The following TCF7L2 variants were observed in gnomAD, a reference collection of about 807,000 sequenced individuals.
The protein encoded by TCF7L2 is transcription factor 7 like 2.
TCF7L2 carries 23 observed loss-of-function variants against 77.9 expected under a neutral mutation model. That is an observed-to-expected ratio of 0.30 (90% CI 0.21 to 0.42). The LOEUF (loss-of-function observed/expected upper bound fraction) is 0.42, where lower values mean the gene tolerates loss of function less well. Ranked by LOEUF, TCF7L2 falls within the 10% of genes least tolerant of loss-of-function variation. The pLI, the probability that TCF7L2 is intolerant of heterozygous loss-of-function variation, is 1.00. For missense variants in TCF7L2, 654 were observed against 793.1 expected, an observed-to-expected ratio of 0.82 and a Z score of 2.11; for synonymous variants, 413 against 340.2, an observed-to-expected ratio of 1.21 and a Z score of -2.36.
At chr10:112,989,422 A>G (rs974350223) in intron 4 of TCF7L2, among the ~76,000 whole-genome samples, 7 of 151,988 alleles carry the variant, frequency 4.6e-5, no homozygotes, top group African/African-American at 9.7e-5. Flanking sequence ...GGTTTCTTCT[A>G]TGTCCTAGAA....
intron 13 of TCF7L2, among the ~76,000 whole-genome samples, chr10:113,162,788 G>A (rs2073377319): frequency 6.6e-6 from 1 of 152,154 alleles, no homozygotes; most frequent in South Asian, 2.1e-4. Flanking sequence ...TTTGAAGGAT[G>A]CTATTCCAAA....
intron 4 of TCF7L2, among the ~76,000 whole-genome samples, chr10:113,002,042 G>A (rs1363261047): frequency 6.6e-6 from 1 of 152,104 alleles, no homozygotes; most frequent in East Asian, 1.9e-4. Context: ...CCTCCACCAA[G>A]GATGATGATG....
At chr10:113,038,292 C>A (rs1038942950) in intron 4 of TCF7L2, among the ~76,000 whole-genome samples, 1 of 152,132 alleles carries the variant, frequency 6.6e-6, no homozygotes, top group Non-Finnish European at 1.5e-5. Context: ...GGAGTCGATG[C>A]AGGGTCTTGT....
At chr10:113,061,671 A>G (rs532023873) in intron 5 of TCF7L2, among the ~76,000 whole-genome samples, 1 of 152,348 alleles carries the variant, frequency 6.6e-6, no homozygotes, top group African/African-American at 2.4e-5. Context: ...ATGAAAGGGC[A>G]GTGAATTAAG....
chr10:113,022,984 CTGAGCTGGCT>C lies in TCF7L2; in HGVS notation c.451-17039_451-17030del, dbSNP rs2048492349. ...ATGGAACTTGGATTTGAACCCAGGTCTGAGCTGGCTTTGAGTCTTCAGAATAGTAGGTCCA... is the reference window on the plus strand; with the variant it reads ...ATGGAACTTGGATTTGAACCCAGGTCTTGAGTCTTCAGAATAGTAGGTCCA... On this transcript the variant is annotated intron_variant, in intron 4 of 13. Transcript: ENST00000627217. 2.6e-5 allele frequency among the ~76,000 whole-genome samples: 4 copies of C among 152,286 alleles called. No individual in the cohort carries two copies. The South Asian group carries it at 8.3e-4, about 32-fold the overall frequency.
At chr10:113,012,504 AAGAC>A (rs1245492572) in intron 4 of TCF7L2, among the ~76,000 whole-genome samples, 3 of 152,168 alleles carry the variant, frequency 2.0e-5, no homozygotes, top group Admixed American at 6.5e-5. Context: ...CAAAGGAAGA[AAGAC>A]AGAATTCTAA....
chr10:113,073,317 T>A (rs2058295551), intron 5 of TCF7L2, among the ~76,000 whole-genome samples: 1 of 151,496 alleles, frequency 6.6e-6, no homozygotes, highest in South Asian at 2.1e-4. Context: ...GAGAAAGAAA[T>A]GTTGAATTAT....
chr10:113,131,633 C>T (rs1182111243), intron 5 of TCF7L2, among the ~76,000 whole-genome samples: 1 of 152,284 alleles, frequency 6.6e-6, no homozygotes, highest in African/African-American at 2.4e-5. Context: ...TTCCCGACTC[C>T]AGTGATACAG....
In TCF7L2 at chr10:113,165,882, A is replaced by C. The variant is rs1216878382; in HGVS notation, c.1719A>C (p.Ala573=). 15 of 1,602,514 alleles carry C rather than the reference A, an allele frequency of 9.4e-6. No individual in the cohort carries two copies. Among genetic ancestry groups the C allele is most frequent in the Non-Finnish European group, 1.3e-5 (15 of 1,173,982 alleles). The stretch of plus-strand genomic sequence containing the variant: ...CTGCCGCCCCCTCCTCATCAATTGC[A>C]CAGCCGTCGACTTCTTCCTTACATT... The change falls in exon 14 of 14, where the codon GCA becomes GCC. Residue 573 remains alanine (A), a synonymous_variant. Transcript: ENST00000627217.
Position 113,166,214 on chromosome 10 carries a change from G to T in TCF7L2, c.*242G>T. 2.7e-6 allele frequency: 1 copy of T among 370,580 alleles called. No individual in the cohort carries two copies. The allele number at this position is 370,580 out of a possible 1,614,324, so 23.0% of individuals were successfully genotyped here. A position where few individuals can be genotyped will look rare whatever the true frequency, so the allele number is the denominator to read the frequency against. ...GATTCTACCAAAATTTTTATCAACA[G>T]CTGTTTAAAGTCTTTGTAGCGTTTA... On this transcript the variant is annotated 3_prime_UTR_variant, in exon 14 of 14. Transcript: ENST00000627217.
chr10:113,045,044 G>C (rs1590935544), intron 5 of TCF7L2, among the ~76,000 whole-genome samples: 2 of 152,142 alleles, frequency 1.3e-5, no homozygotes, highest in Admixed American at 1.3e-4. Flanking sequence ...GTCAAAGGTA[G>C]GTAGATGGAG....
At chr10:112,961,887 G>T (rs1045046696) in intron 3 of TCF7L2, among the ~76,000 whole-genome samples, 5 of 148,770 alleles carry the variant, frequency 3.4e-5, no homozygotes, top group Admixed American at 6.7e-5. Flanking sequence ...GCTCGCGTGT[G>T]CGTGTATGTG....
At chr10:113,051,428 A>G (rs7904443) in intron 5 of TCF7L2, among the ~76,000 whole-genome samples, 14 of 152,330 alleles carry the variant, frequency 9.2e-5, no homozygotes, top group African/African-American at 3.4e-4. Context: ...AAGGAATTCT[A>G]ACTAATAGTT....
chr10:113,036,119 CAT>C (rs2051170620), intron 4 of TCF7L2, among the ~76,000 whole-genome samples: 4 of 4,356 alleles, frequency 9.2e-4, no homozygotes, highest in South Asian at 5.9e-3. Context: ...TCATCACCAT[CAT>C]CATCATCATC....
intron 4 of TCF7L2, among the ~76,000 whole-genome samples, chr10:112,967,656 C>T (rs1318137690): frequency 5.8e-5 from 8 of 138,096 alleles, no homozygotes; most frequent in African/African-American, 8.7e-5. Flanking sequence ...TTTTTTGAGA[C>T]GGAGTTTCGC....
intron 5 of TCF7L2, among the ~76,000 whole-genome samples, chr10:113,048,824 C>T (rs1266386720): frequency 1.3e-5 from 2 of 151,966 alleles, no homozygotes; most frequent in Non-Finnish European, 1.5e-5. Context: ...AGAGAGAGCC[C>T]GATTTGGAAA....
intron 5 of TCF7L2, among the ~76,000 whole-genome samples, chr10:113,082,743 A>T (rs2135482039): frequency 6.6e-6 from 1 of 152,158 alleles, no homozygotes; most frequent in Non-Finnish European, 1.5e-5. Context: ...GTACGTAGAG[A>T]GTCAAGGTCC....
chr10:113,005,485 C>T (rs2045377064), intron 4 of TCF7L2, among the ~76,000 whole-genome samples: 1 of 152,152 alleles, frequency 6.6e-6, no homozygotes, highest in Non-Finnish European at 1.5e-5. Flanking sequence ...ACCTGCTGGG[C>T]TCAGCTCTGG....
chr10:112,971,617 A>AC (rs1260394352), intron 4 of TCF7L2, among the ~76,000 whole-genome samples: 2 of 129,010 alleles, frequency 1.6e-5, no homozygotes, highest in Non-Finnish European at 3.3e-5. Context: ...GACAGGAGTT[A>AC]CTTTTTTTTT....
Sources: allele counts gnomAD v4.1 joint callset (sites outside exome capture counted in the v4.1 genomes callset), GRCh38; gene constraint gnomAD v4.1.1; transcripts MANE v1.5; gene names NCBI Gene and HGNC (gene_info 2026-07-23, HGNC 2026-07-21).